The following SMG1 variants were observed in gnomAD, a reference collection of about 807,000 sequenced individuals.
The protein encoded by SMG1 is SMG1 nonsense mediated mRNA decay associated PI3K related kinase, also known as serine/threonine-protein kinase SMG1.
A neutral mutation model predicts 419.9 loss-of-function variants in SMG1; 22 were observed. The observed-to-expected ratio is 0.05, with a 90% CI of 0.04 to 0.07. The LOEUF (loss-of-function observed/expected upper bound fraction) is 0.07, where lower values mean the gene tolerates loss of function less well. Among genes scored for constraint, SMG1 ranks in the 10% least tolerant of loss-of-function variants. SMG1 has a pLI of 1.00. For missense variants in SMG1, 3,185 were observed against 4,342.0 expected (o/e 0.73, Z 7.49); for synonymous variants, 1,538 against 1,553.5 (o/e 0.99, Z 0.23).
At chr16:18,872,398 A>G in intron 14 of SMG1, 53 bp from the exon 15 acceptor site, 2 of 1,496,964 alleles carry the variant, frequency 1.3e-6, no homozygotes, top group Non-Finnish European at 1.8e-6. Context: ...GAAAGCAAGC[A>G]AGTCCAAAGT....
intron 41 of SMG1, 134 bp from the exon 42 acceptor site, chr16:18,840,080 A>C: frequency 4.4e-6 from 3 of 683,086 alleles, no homozygotes; most frequent in Non-Finnish European, 7.3e-6. Context: ...ACTAAATTTC[A>C]TGTATTAATA....
chr16:18,915,927 G>C (rs2037954453), intron 1 of SMG1, among the ~76,000 whole-genome samples: 1 of 151,816 alleles, frequency 6.6e-6, no homozygotes, highest in Non-Finnish European at 1.5e-5. Context: ...AAACCAGCCA[G>C]GCGTGGTGGC....
At chr16:18,854,569 T>A in intron 30 of SMG1, 87 bp downstream of exon 30, 1 of 1,261,536 alleles carries the variant, frequency 7.9e-7, no homozygotes, top group Non-Finnish European at 1.1e-6. Context: ...ACTTTGCTAT[T>A]ACTACCTTAT....
chr16:18,846,945 C>G (rs2034300796), intron 38 of SMG1, among the ~76,000 whole-genome samples: 1 of 152,134 alleles, frequency 6.6e-6, no homozygotes, highest in South Asian at 2.1e-4. Flanking sequence ...TACTCATACA[C>G]CAATGTTCAC....
intron 13 of SMG1, among the ~76,000 whole-genome samples, chr16:18,874,429 G>A (rs1276876530): frequency 2.0e-5 from 3 of 151,640 alleles, no homozygotes; most frequent in South Asian, 2.1e-4. Context: ...GTCAGCAACC[G>A]TGCCCAGCCC....
chr16:18,841,394 T>C (rs1433254660), intron 41 of SMG1, among the ~76,000 whole-genome samples, 171 bp downstream of exon 41: 57 of 86,130 alleles, frequency 6.6e-4, no homozygotes, highest in Admixed American at 5.4e-3. Flanking sequence ...CAAGACTGTG[T>C]CTCAAAAAAA....
Position 18,838,415 on chromosome 16 carries a change from A to G in SMG1, c.7136T>C (p.Ile2379Thr). Reference sequence around the variant, plus strand: ...TCCAGTTACACCCAGTGCTGTTTCAATGTTTTGTGTCATTCGAAAAGGTAC... The same window carrying G: ...TCCAGTTACACCCAGTGCTGTTTCAGTGTTTTGTGTCATTCGAAAAGGTAC... ...EKVPFRMTQN[I>T]ETALGVTGVE... Residue 2379 changes from isoleucine (I) to threonine (T), a missense_variant, in exon 44 of 63, where the codon ATT (isoleucine) becomes ACT (threonine). Coordinates refer to ENST00000446231, the MANE Select transcript of SMG1 (RefSeq NM_015092.5). 6.2e-7 allele frequency: 1 copy of G among 1,613,886 alleles called. No individual in the cohort carries two copies. The highest frequency in any genetic ancestry group is 1.1e-5 in the South Asian group (1 of 91,076).
chr16:18,904,730 T>C (rs2037491021), intron 1 of SMG1, among the ~76,000 whole-genome samples: 1 of 149,354 alleles, frequency 6.7e-6, no homozygotes, highest in South Asian at 2.1e-4. Flanking sequence ...ACGTCAGGAG[T>C]TCAAGACCAG....
chr16:18,920,779 G>A (rs1596669072), intron 1 of SMG1, among the ~76,000 whole-genome samples: 1 of 152,134 alleles, frequency 6.6e-6, no homozygotes, highest in East Asian at 1.9e-4. Flanking sequence ...GGTGGAGGCT[G>A]CAGTGAGCTG....
chr16:18,838,589 T>C lies in SMG1; in HGVS notation c.7046A>G (p.Glu2349Gly), dbSNP rs772540829. 6.8e-6 allele frequency: 11 copies of C among 1,613,628 alleles called. No individual in the cohort carries two copies. The highest frequency in any genetic ancestry group is 1.7e-4 in the Middle Eastern group (1 of 6,060). The change falls in exon 43 of 63, where the codon GAA becomes GGA. Residue 2349 changes from glutamate to glycine, a missense_variant. By Grantham distance (98) the Glu-to-Gly change is moderately conservative. Transcript: ENST00000446231. ...AACATTGTAATCTATGTGAACAACT[T>C]CTCCAGTCGTCATATCTATAAGAAC... ...DNVLIDMTTG[E>G]VVHIDYNVCF...
intron 50 of SMG1, among the ~76,000 whole-genome samples, chr16:18,833,613 C>T (rs1369301653): frequency 6.6e-6 from 1 of 151,918 alleles, no homozygotes; most frequent in African/African-American, 2.4e-5. Flanking sequence ...TAATAAACTG[C>T]ATGTTTAAAA....
In SMG1 at chr16:18,838,033, G is replaced by A; in HGVS notation, c.7394C>T (p.Ser2465Phe). ...CTTCACCTTAATCTCAGCTACTCTA[G>A]AAGAAAACAGGCTGCGGGTGATCTC... ...EREITRSLFS[S>F]RVAEIKVNWF... is the part of the protein sequence containing the mutation. Residue 2465 changes from serine to phenylalanine, a missense_variant, in exon 45 of 63, where the codon TCT becomes TTT. By Grantham distance (155) the Ser-to-Phe change is radical. Coordinates refer to ENST00000446231, the MANE Select transcript of SMG1 (RefSeq NM_015092.5). 6.2e-7 allele frequency: 1 copy of A among 1,613,864 alleles called. No homozygotes were observed. Among genetic ancestry groups the A allele is most frequent in the Non-Finnish European group, 8.5e-7 (1 of 1,179,876 alleles).
At chr16:18,865,960 C>A (rs2035478837) in intron 23 of SMG1, among the ~76,000 whole-genome samples, 1 of 152,018 alleles carries the variant, frequency 6.6e-6, no homozygotes, top group South Asian at 2.1e-4. Context: ...CCGAACCCAG[C>A]CTAACATGGC....
chr16:18,812,299 G>C, intron 60 of SMG1, 172 bp from the exon 61 acceptor site: 1 of 594,068 alleles, frequency 1.7e-6, no homozygotes, highest in Non-Finnish European at 2.8e-6. Flanking sequence ...CCTAAAAACA[G>C]CCAGACATTC....
intron 49 of SMG1, 126 bp from the exon 50 acceptor site, chr16:18,834,564 G>T: frequency 1.1e-6 from 1 of 875,098 alleles, no homozygotes. Context: ...ATGACTTCAG[G>T]CCAGGAGTTC....
chr16:18,867,899 G>A (rs1157796870), intron 22 of SMG1, among the ~76,000 whole-genome samples: 12 of 151,522 alleles, frequency 7.9e-5, no homozygotes, highest in East Asian at 5.9e-4. Flanking sequence ...TAGTAGAGGC[G>A]GGGTTTCACT....
chr16:18,879,118 T>A (rs1394194634), intron 11 of SMG1: 9 of 280,500 alleles, frequency 3.2e-5, no homozygotes, highest in Admixed American at 2.0e-4. Flanking sequence ...AAAGCCCTTA[T>A]TTTTTTTTCT....
At chr16:18,895,940 T>C (rs1596617899) in intron 3 of SMG1, 112 bp downstream of exon 3, 1 of 1,121,956 alleles carries the variant, frequency 8.9e-7, no homozygotes, top group South Asian at 1.3e-5. Flanking sequence ...ACCTGCACAG[T>C]AGGCTAATCA....
At chr16:18,888,115 A>T (rs1242621292) in intron 6 of SMG1, among the ~76,000 whole-genome samples, 3 of 144,250 alleles carry the variant, frequency 2.1e-5, no homozygotes, top group Non-Finnish European at 3.0e-5. Flanking sequence ...CAGTGAGCCG[A>T]GATCATGCCA....
Sources: gnomAD v4.1 joint callset for allele counts (sites outside exome capture counted in the v4.1 genomes callset) on GRCh38, gnomAD v4.1.1 for gene constraint, MANE v1.5 for transcripts, NCBI Gene and HGNC (gene_info 2026-07-23, HGNC 2026-07-21) for gene names.